DLK1: variants seen among roughly 807,000 people sequenced by gnomAD.
DLK1 encodes delta like non-canonical Notch ligand 1.
A neutral mutation model predicts 35.2 loss-of-function variants in DLK1; 9 were observed. The observed-to-expected ratio is 0.26, with a 90% CI of 0.15 to 0.45. The LOEUF (loss-of-function observed/expected upper bound fraction) is 0.45, where lower values mean the gene tolerates loss of function less well. DLK1 is among the 20% of genes least tolerant of loss of function. The probability of loss-of-function intolerance (pLI) is 1.00; values close to 1 mark genes in which losing one functional copy is unlikely to be tolerated. For missense variants in DLK1, 522 were observed against 528.5 expected (o/e 0.99, Z 0.12); for synonymous variants, 231 against 228.4 (o/e 1.01, Z -0.10).
intron 1 of DLK1, among the ~76,000 whole-genome samples, chr14:100,727,449 T>C (rs2036449233): frequency 6.6e-6 from 1 of 152,078 alleles, no homozygotes; most frequent in Non-Finnish European, 1.5e-5. Context: ...GAGTCTTCTA[T>C]GAAAATACTC....
At chr14:100,727,861 TA>T (rs1174663288) in intron 1 of DLK1, among the ~76,000 whole-genome samples, 3 of 151,634 alleles carry the variant, frequency 2.0e-5, no homozygotes, top group African/African-American at 4.9e-5. Context: ...GAGTCTGGGG[TA>T]GGGGAAAGAG....
Position 100,734,883 on chromosome 14 carries a change from A to G in DLK1, c.1139A>G (p.Asp380Gly). The change falls in exon 5 of 5, where the codon GAC becomes GGC. Residue 380 changes from aspartate (D) to glycine (G), a missense_variant. By Grantham distance (94) the Asp-to-Gly change is moderately conservative. Transcript: ENST00000341267. This position sits in a 1 kb window ranked among gnomAD's most constrained non-coding sequence, Gnocchi z 7.4. Reference protein sequence around the residue: ...DMTTFSKEAGDEEI With the variant: ...DMTTFSKEAGGEEI ...ACCACCTTCAGCAAGGAGGCCGGCGACGAGGAGATCTAAGCAGCGTTCCCA... is the reference window on the plus strand; with the variant it reads ...ACCACCTTCAGCAAGGAGGCCGGCGGCGAGGAGATCTAAGCAGCGTTCCCA... 1.3e-6 allele frequency: 2 copies of G among 1,590,012 alleles called. No individual in the cohort carries two copies. Among genetic ancestry groups the G allele is most frequent in the Non-Finnish European group, 1.7e-6 (2 of 1,170,702 alleles).
chr14:100,732,073 C>A lies in DLK1; in HGVS notation c.294C>A (p.Ala98=). The A allele has an allele frequency of 6.2e-7, 1 of 1,613,970 alleles. No homozygotes were observed. Among genetic ancestry groups the A allele is most frequent in the Non-Finnish European group, 8.5e-7 (1 of 1,179,910 alleles). Residue 98 remains alanine (A), a synonymous_variant, in exon 4 of 5, where the codon GCC becomes GCA. Coordinates refer to ENST00000341267, the MANE Select transcript of DLK1 (RefSeq NM_003836.7). The part of the protein sequence containing the change: ...DVRACSSAPC[A]NNRTCVSLDD... The stretch of plus-strand genomic sequence containing the variant: ...GGGCCTGCTCCTCGGCCCCCTGTGC[C>A]AACAACAGGACCTGCGTGAGCCTGG...
intron 1 of DLK1, 42 bp downstream of exon 1, chr14:100,727,177 G>A: frequency 1.3e-6 from 2 of 1,514,226 alleles, no homozygotes; most frequent in Non-Finnish European, 8.8e-7. Flanking sequence ...CTCTGGGGAA[G>A]CCTGCGACTC....
In DLK1 at chr14:100,737,667, G is replaced by A. The variant is rs1029088934; in HGVS notation, c.*2771G>A. The A allele has an allele frequency of 6.5e-6, 1 of 153,100 alleles. No homozygotes were observed. Among genetic ancestry groups the A allele is most frequent in the Non-Finnish European group, 1.5e-5 (1 of 68,700 alleles). The allele number at this position is 153,100 out of a possible 1,614,324, so 9.5% of individuals were successfully genotyped here. The stretch of plus-strand genomic sequence containing the variant: ...ACGAGGGGGCAGTCTGGAGGGGGGT[G>A]GACACACAGCTGTCCCCAGGGAGCC... On this transcript the variant is annotated 3_prime_UTR_variant, in exon 5 of 5. Coordinates refer to ENST00000341267, the MANE Select transcript of DLK1 (RefSeq NM_003836.7).
Position 100,734,289 on chromosome 14 carries a change from A to G in DLK1, c.545A>G (p.Asp182Gly). The G allele has an allele frequency of 3.7e-6, 6 of 1,613,386 alleles. No homozygotes were observed. The highest frequency in any genetic ancestry group is 5.1e-6 in the Non-Finnish European group (6 of 1,179,986). Residue 182 changes from aspartate to glycine, a missense_variant, in exon 5 of 5, where the codon GAC becomes GGC. By Grantham distance (94) the Asp-to-Gly change is moderately conservative. Coordinates refer to ENST00000341267, the MANE Select transcript of DLK1 (RefSeq NM_003836.7). The surrounding 1 kb of genome is among the most constrained non-coding windows in gnomAD (Gnocchi z 7.4). ...NSCTPNPCEN[D>G]GVCTDIGGDF... ...TGCACCCCCAACCCATGCGAGAACG[A>G]CGGCGTCTGCACTGACATTGGGGGC...
Position 100,732,361 on chromosome 14 carries a change from G to A in DLK1, c.404+178G>A, listed in dbSNP as rs541526317. ...AGTATTCACGGGGGAATGTGTCATT[G>A]CCATAATTTTTTCAAATGATCCTGA... is the stretch of plus-strand genomic sequence containing the variant. On this transcript the variant is annotated intron_variant, in intron 4 of 4. Transcript: ENST00000341267. Among the ~76,000 whole-genome samples, 14 of 152,358 alleles carry A rather than the reference G, an allele frequency of 9.2e-5. No individual in the cohort carries two copies. The South Asian group carries it at 2.7e-3, about 29-fold the overall frequency.
Position 100,727,147 on chromosome 14 carries a change from GGCGGCCCGGCT to G in DLK1, c.67+13_67+23del. ...CCACAGCACCTATGGTGAGTTCCCC[GGCGGCCCGGCT>G]CGCGCCCCCTCTGGGGAAGCCTGCG... On this transcript the variant is annotated intron_variant, in intron 1 of 4. Coordinates refer to ENST00000341267, the MANE Select transcript of DLK1 (RefSeq NM_003836.7). 1 of 1,566,216 alleles carries G rather than the reference GGCGGCCCGGCT, an allele frequency of 6.4e-7. No individual in the cohort carries two copies. Among genetic ancestry groups the G allele is most frequent in the Non-Finnish European group, 8.6e-7 (1 of 1,156,238 alleles).
rs1181218416 is a variant in DLK1 at position 100,734,351 on chromosome 14, A to G, written c.607A>G (p.Lys203Glu). 4 of 1,612,664 alleles carry G rather than the reference A, an allele frequency of 2.5e-6. No homozygotes were observed. Among genetic ancestry groups the G allele is most frequent in the African/African-American group, 2.7e-5 (2 of 74,886 alleles). Residue 203 changes from lysine (K) to glutamate (E), a missense_variant, in exon 5 of 5, where the codon AAG becomes GAG. Physicochemically the swap from Lys to Glu is moderately conservative, Grantham distance 56. Coordinates refer to ENST00000341267, the MANE Select transcript of DLK1 (RefSeq NM_003836.7). The surrounding 1 kb of genome is among the most constrained non-coding windows in gnomAD (Gnocchi z 7.4). ...RCRCPAGFIDKTCSRPVTNCA... is the reference protein window; with the variant it reads ...RCRCPAGFIDETCSRPVTNCA... Reference sequence around the variant, plus strand: ...CCGGTGCCCAGCCGGCTTCATCGACAAGACCTGCAGCCGCCCGGTGACCAA... The same window carrying G: ...CCGGTGCCCAGCCGGCTTCATCGACGAGACCTGCAGCCGCCCGGTGACCAA...
intron 3 of DLK1, among the ~76,000 whole-genome samples, chr14:100,730,075 C>T (rs2036490067): frequency 6.6e-6 from 1 of 152,234 alleles, no homozygotes; most frequent in Non-Finnish European, 1.5e-5. Flanking sequence ...GGCCCCTGCC[C>T]TGTACAGCCA....
Position 100,734,381 on chromosome 14 carries a change from G to A in DLK1, c.637G>A (p.Ala213Thr), listed in dbSNP as rs368676035. 139 of 1,611,726 alleles carry A rather than the reference G, an allele frequency of 8.6e-5. No individual in the cohort carries two copies. The highest frequency in any genetic ancestry group is 3.3e-4 in the Middle Eastern group (2 of 6,070). Residue 213 changes from alanine to threonine, a missense_variant, in exon 5 of 5, where the codon GCC becomes ACC. By Grantham distance (58) the Ala-to-Thr change is moderately conservative. Transcript: ENST00000341267. The surrounding 1 kb of genome is among the most constrained non-coding windows in gnomAD (Gnocchi z 7.4). Reference protein sequence around the residue: ...KTCSRPVTNCASSPCQNGGTC... With the variant: ...KTCSRPVTNCTSSPCQNGGTC... ...CTGCAGCCGCCCGGTGACCAACTGC[G>A]CCAGCAGCCCGTGCCAGAACGGGGG...
Position 100,738,102 on chromosome 14 carries a change from T to C in DLK1, c.*3206T>C, listed in dbSNP as rs550292411. 1 of 152,334 alleles carries C rather than the reference T, an allele frequency of 6.6e-6. No individual in the cohort carries two copies. The highest frequency in any genetic ancestry group is 2.4e-5 in the African/African-American group (1 of 41,578). The allele number at this position is 152,334 out of a possible 1,614,324, so 9.4% of individuals were successfully genotyped here. On this transcript the variant is annotated 3_prime_UTR_variant, in exon 5 of 5. Coordinates refer to ENST00000341267, the MANE Select transcript of DLK1 (RefSeq NM_003836.7). ...AATTAGGAGAGGAGGAAGAGGAGTATCAATTTTGTCACCAAAATGTTAAAA... is the reference window on the plus strand; with the variant it reads ...AATTAGGAGAGGAGGAAGAGGAGTACCAATTTTGTCACCAAAATGTTAAAA...
In DLK1 at chr14:100,727,061, G is replaced by T. The variant is rs535623486; in HGVS notation, c.-8G>T. 1.5e-5 allele frequency: 23 copies of T among 1,582,980 alleles called. No homozygotes were observed. The South Asian group carries it at 2.3e-4, about 16-fold the overall frequency. ...CGCTCCCGGGACCGCGACCCCGGCC[G>T]CCCAGAGATGACCGCGACCGAAGCC... On this transcript the variant is annotated 5_prime_UTR_variant, in exon 1 of 5. Coordinates refer to ENST00000341267, the MANE Select transcript of DLK1 (RefSeq NM_003836.7).
chr14:100,728,939 C>A lies in DLK1; in HGVS notation c.135C>A (p.Cys45Ter), dbSNP rs1336629124. ...GFCEDDNVCR[C>*]QPGWQGPLCD... is the part of the protein sequence containing the mutation. ...CTTTCTCCCCCACCCATTGCAGGTG[C>A]CAGCCTGGCTGGCAGGGTCCCCTTT... The change falls in exon 3 of 5, where the codon TGC becomes TGA. Residue 45 changes from cysteine (C) to a stop codon, truncating the protein, a stop_gained. Transcript: ENST00000341267. LOFTEE classifies it high-confidence loss of function. 6.2e-7 allele frequency: 1 copy of A among 1,613,696 alleles called. No individual in the cohort carries two copies. Among genetic ancestry groups the A allele is most frequent in the Admixed American group, 1.7e-5 (1 of 60,026 alleles).
At chr14:100,731,846 C>G (rs1476624368) in intron 3 of DLK1, among the ~76,000 whole-genome samples, 196 bp from the exon 4 acceptor site, 1 of 152,160 alleles carries the variant, frequency 6.6e-6, no homozygotes, top group Non-Finnish European at 1.5e-5. Flanking sequence ...GATCTGTGAC[C>G]TTAGGCAAGG....
rs756240258 is a variant in DLK1 at position 100,728,624 on chromosome 14, C to CGG, written c.131+174_131+175dup. ...GGGCGAGCTGGGGAGATGGGGGGGG[C>CGG]GGGGGGGGGGCAGCCACAGCTCCTG... is the stretch of plus-strand genomic sequence containing the variant. On this transcript the variant is annotated intron_variant, in intron 2 of 4. Coordinates refer to ENST00000341267, the MANE Select transcript of DLK1 (RefSeq NM_003836.7). 8.0e-3 allele frequency: 1,288 copies of CGG among 160,026 alleles called. 14 individuals are homozygous for CGG. The highest frequency in any genetic ancestry group is 0.026 in the African/African-American group (482 of 18,866). 9.9% of individuals were successfully genotyped at this position (160,026 alleles called of 1,614,324 possible).
rs138185939 is a variant in DLK1 at position 100,734,587 on chromosome 14, G to T, written c.843G>T (p.Glu281Asp). The T allele has an allele frequency of 3.7e-6, 6 of 1,613,784 alleles. No homozygotes were observed. The Admixed American group carries it at 8.3e-5, about 22-fold the overall frequency. The change falls in exon 5 of 5, where the codon GAG (glutamate) becomes GAT (aspartate). Residue 281 changes from glutamate (E) to aspartate (D), a missense_variant. Glu to Asp is a conservative substitution (Grantham distance 45). Transcript: ENST00000341267. The surrounding 1 kb of genome is among the most constrained non-coding windows in gnomAD (Gnocchi z 7.4). ...GVHELPVQQPEHRILKVSMKE... is the reference protein window; with the variant it reads ...GVHELPVQQPDHRILKVSMKE... ...ACGAGCTGCCGGTGCAGCAGCCGGA[G>T]CACCGCATCCTGAAGGTGTCCATGA...
intron 3 of DLK1, among the ~76,000 whole-genome samples, chr14:100,731,513 C>G (rs2139861362): frequency 6.6e-6 from 1 of 152,252 alleles, no homozygotes; most frequent in South Asian, 2.1e-4. Context: ...TTTCTTGATT[C>G]CTGACGGAGG....
chr14:100,737,415 A>C lies in DLK1; in HGVS notation c.*2519A>C, dbSNP rs1567023966. On this transcript the variant is annotated 3_prime_UTR_variant, in exon 5 of 5. Coordinates refer to ENST00000341267, the MANE Select transcript of DLK1 (RefSeq NM_003836.7). Reference sequence around the variant, plus strand: ...GTTCCTCAGTTTCCCCAAATAGAAAATTCTAAGATTGGTCAGATGATCAAA... The same window carrying C: ...GTTCCTCAGTTTCCCCAAATAGAAACTTCTAAGATTGGTCAGATGATCAAA... 6.6e-6 allele frequency: 1 copy of C among 152,016 alleles called. No homozygotes were observed. Among genetic ancestry groups the C allele is most frequent in the Non-Finnish European group, 1.5e-5 (1 of 68,026 alleles). 9.4% of individuals were successfully genotyped at this position (152,016 alleles called of 1,614,324 possible).
Sources: gnomAD v4.1 joint callset for allele counts (sites outside exome capture counted in the v4.1 genomes callset) on GRCh38, gnomAD v4.1.1 for gene constraint, Gnocchi (gnomAD v3.1) non-coding constraint, MANE v1.5 for transcripts, NCBI Gene and HGNC (gene_info 2026-07-23, HGNC 2026-07-21) for gene names.